BCL2L2: variants seen among roughly 807,000 people sequenced by gnomAD.
The protein encoded by BCL2L2 is bcl-2-like protein 2.
In BCL2L2, 6 loss-of-function variants were observed where a neutral mutation model predicts 14.6. The observed-to-expected ratio is 0.41, with a 90% confidence interval of 0.22 to 0.81. The LOEUF (loss-of-function observed/expected upper bound fraction) is 0.81, where lower values mean the gene tolerates loss of function less well. Ranked by LOEUF, BCL2L2 falls within the 30% of genes least tolerant of loss-of-function variation. The pLI is 0.32. For missense variants in BCL2L2, 191 were observed against 260.5 expected (o/e 0.73, Z 1.84); for synonymous variants, 90 against 108.5 (o/e 0.83, Z 1.06).
rs780154342 is a variant in BCL2L2 at position 23,308,962 on chromosome 14, G to A, written c.579G>A (p.Lys193=). The change falls in exon 4 of 4, where the codon AAG becomes AAA. Residue 193 remains lysine, a synonymous_variant. Coordinates refer to ENST00000250405, the MANE Select transcript of BCL2L2 (RefSeq NM_004050.5). The surrounding 1 kb of genome is among the most constrained non-coding windows in gnomAD (Gnocchi z 5.4). ...CTGTAGGGGCCTTTTTTGCTAGCAAGTGAAAGTCCAGGGCCAGGTGGGGCT... is the reference window on the plus strand; with the variant it reads ...CTGTAGGGGCCTTTTTTGCTAGCAAATGAAAGTCCAGGGCCAGGTGGGGCT... ...LVTVGAFFAS[K] 2 of 1,325,502 alleles carry A rather than the reference G, an allele frequency of 1.5e-6. No individual in the cohort carries two copies. Among genetic ancestry groups the A allele is most frequent in the South Asian group, 2.9e-5 (1 of 34,996 alleles). 82.1% of individuals were successfully genotyped at this position (1,325,502 alleles called of 1,614,324 possible). A position where few individuals can be genotyped will look rare whatever the true frequency, so the allele number is the denominator to read the frequency against.
At position 23,308,698 on chromosome 14, in the gene BCL2L2, A is replaced by C; in HGVS notation, c.433-118A>C. 3.0e-5 allele frequency: 23 copies of C among 774,812 alleles called. No individual in the cohort carries two copies. The highest frequency in any genetic ancestry group is 3.9e-5 in the Non-Finnish European group (21 of 539,270). 48.0% of individuals were successfully genotyped at this position (774,812 alleles called of 1,614,324 possible). A position where few individuals can be genotyped will look rare whatever the true frequency, so the allele number is the denominator to read the frequency against. ...AGCTTTGGCCAGAGAGGAGCTGGGTATGGGGTAGTGCTCGCAGTGGATGGA... is the reference window on the plus strand; with the variant it reads ...AGCTTTGGCCAGAGAGGAGCTGGGTCTGGGGTAGTGCTCGCAGTGGATGGA... On this transcript the variant is annotated intron_variant, in intron 3 of 3. Transcript: ENST00000250405. This position sits in a 1 kb window ranked among gnomAD's most constrained non-coding sequence, Gnocchi z 5.4.
Position 23,311,435 on chromosome 14 carries a change from A to G in BCL2L2, c.*2470A>G. The G allele has an allele frequency of 7.5e-6, 8 of 1,070,456 alleles. No homozygotes were observed. Among genetic ancestry groups the G allele is most frequent in the South Asian group, 2.7e-5 (1 of 37,498 alleles). 66.3% of individuals were successfully genotyped at this position (1,070,456 alleles called of 1,614,324 possible). A position where few individuals can be genotyped will look rare whatever the true frequency, so the allele number is the denominator to read the frequency against. On this transcript the variant is annotated 3_prime_UTR_variant, in exon 4 of 4. Coordinates refer to ENST00000250405, the MANE Select transcript of BCL2L2 (RefSeq NM_004050.5). Reference sequence around the variant, plus strand: ...GGAGGAGAGGGGTTTCTTGCTCTCCAGAGCCCAAAGGGACAAATAGGGACT... The same window carrying G: ...GGAGGAGAGGGGTTTCTTGCTCTCCGGAGCCCAAAGGGACAAATAGGGACT...
chr14:23,307,528 G>T (rs112852418), intron 2 of BCL2L2, among the ~76,000 whole-genome samples: 3 of 152,292 alleles, frequency 2.0e-5, no homozygotes, highest in African/African-American at 7.2e-5. Context: ...ATCCTAAACA[G>T]AAAATTTACT....
At position 23,306,895 on chromosome 14, in the gene BCL2L2, G is replaced by C. The variant is rs1887251251; in HGVS notation, c.-97+1G>C. On this transcript the variant is annotated splice_donor_variant, in intron 1 of 3. Coordinates refer to ENST00000250405, the MANE Select transcript of BCL2L2 (RefSeq NM_004050.5). LOFTEE classifies it low-confidence loss of function (5UTR_SPLICE). ...CCGGATCCCGGCAGCGGCCTGACCC[G>C]TGAGATCCCTAACCTGGCAGGCGGG... 6.6e-6 allele frequency: 1 copy of C among 152,660 alleles called. No homozygotes were observed. Among genetic ancestry groups the C allele is most frequent in the Non-Finnish European group, 1.5e-5 (1 of 68,480 alleles). 9.5% of individuals were successfully genotyped at this position (152,660 alleles called of 1,614,324 possible).
Position 23,307,894 on chromosome 14 carries a change from C to T in BCL2L2, c.127C>T (p.His43Tyr). The part of the protein sequence containing the change: ...PGEGPAADPL[H>Y]QAMRAAGDEF... Reference sequence around the variant, plus strand: ...GGAGGGCCCAGCAGCTGACCCGCTGCACCAAGCCATGCGGGCAGCTGGAGA... The same window carrying T: ...GGAGGGCCCAGCAGCTGACCCGCTGTACCAAGCCATGCGGGCAGCTGGAGA... Residue 43 changes from histidine (H) to tyrosine (Y), a missense_variant, in exon 3 of 4, where the codon CAC becomes TAC. His to Tyr is a moderately conservative substitution (Grantham distance 83, BLOSUM62 2). Transcript: ENST00000250405. 2.5e-6 allele frequency: 4 copies of T among 1,613,378 alleles called. No individual in the cohort carries two copies. Among genetic ancestry groups the T allele is most frequent in the Non-Finnish European group, 3.4e-6 (4 of 1,179,754 alleles).
rs1178749249 is a variant in BCL2L2, at chr14:23,310,447, T to C, written c.*1482T>C. ...TCACCTTAGCTAGACCATGGTTGAC[T>C]CTTCTTGGAGATTTTCACTTGGTCC... On this transcript the variant is annotated 3_prime_UTR_variant, in exon 4 of 4. Transcript: ENST00000250405. The C allele has an allele frequency of 6.9e-6, 7 of 1,011,006 alleles. No individual in the cohort carries two copies. The highest frequency in any genetic ancestry group is 1.1e-4 in the Admixed American group (2 of 18,970). The allele number at this position is 1,011,006 out of a possible 1,614,324, so 62.6% of individuals were successfully genotyped here. A position where few individuals can be genotyped will look rare whatever the true frequency, so the allele number is the denominator to read the frequency against.
In BCL2L2 at chr14:23,309,165, T is replaced by C. The variant is rs1194084421; in HGVS notation, c.*200T>C. 8.3e-7 allele frequency: 1 copy of C among 1,204,652 alleles called. No homozygotes were observed. Among genetic ancestry groups the C allele is most frequent in the Middle Eastern group, 3.3e-4 (1 of 3,050 alleles). 74.6% of individuals were successfully genotyped at this position (1,204,652 alleles called of 1,614,324 possible). A position where few individuals can be genotyped will look rare whatever the true frequency, so the allele number is the denominator to read the frequency against. ...GAGCAGGACACAGAGGGGAGGGGAA[T>C]GTTTTGGCAAGTTTAGGGGCACAGG... On this transcript the variant is annotated 3_prime_UTR_variant, in exon 4 of 4. Coordinates refer to ENST00000250405, the MANE Select transcript of BCL2L2 (RefSeq NM_004050.5).
At position 23,309,180 on chromosome 14, in the gene BCL2L2, A is replaced by T; in HGVS notation, c.*215A>T. 15 of 992,684 alleles carry T rather than the reference A, an allele frequency of 1.5e-5. No individual in the cohort carries two copies. The highest frequency in any genetic ancestry group is 1.7e-4 in the East Asian group (2 of 11,460). The allele number at this position is 992,684 out of a possible 1,614,324, so 61.5% of individuals were successfully genotyped here. On this transcript the variant is annotated 3_prime_UTR_variant, in exon 4 of 4. Transcript: ENST00000250405. The stretch of plus-strand genomic sequence containing the variant: ...GGGAGGGGAATGTTTTGGCAAGTTT[A>T]GGGGCACAGGAGATGTAGTCGTTCC...
At position 23,311,421 on chromosome 14, in the gene BCL2L2, G is replaced by A; in HGVS notation, c.*2456G>A. 3 of 1,076,562 alleles carry A rather than the reference G, an allele frequency of 2.8e-6. No individual in the cohort carries two copies. The South Asian group carries it at 7.7e-5, about 28-fold the overall frequency. The allele number at this position is 1,076,562 out of a possible 1,614,324, so 66.7% of individuals were successfully genotyped here. On this transcript the variant is annotated 3_prime_UTR_variant, in exon 4 of 4. Transcript: ENST00000250405. ...TCAAAGATTAAGTAGGAGGAGAGGGGTTTCTTGCTCTCCAGAGCCCAAAGG... is the reference window on the plus strand; with the variant it reads ...TCAAAGATTAAGTAGGAGGAGAGGGATTTCTTGCTCTCCAGAGCCCAAAGG...
At position 23,310,947 on chromosome 14, in the gene BCL2L2, A is replaced by G. The variant is rs774993450; in HGVS notation, c.*1982A>G. ...CCACTGACTAGACCATCGGCTCCAA[A>G]TTGGAGTCTGTGCTTCCTTCCCCAG... On this transcript the variant is annotated 3_prime_UTR_variant, in exon 4 of 4. Coordinates refer to ENST00000250405, the MANE Select transcript of BCL2L2 (RefSeq NM_004050.5). 142 of 1,289,570 alleles carry G rather than the reference A, an allele frequency of 1.1e-4. 1 individual carries two copies. The South Asian group carries it at 1.7e-3, about 16-fold the overall frequency. 79.9% of individuals were successfully genotyped at this position (1,289,570 alleles called of 1,614,324 possible).
In BCL2L2 at chr14:23,307,377, A is replaced by G. The variant is rs2231299; in HGVS notation, c.-9+98A>G. 312 of 161,946 alleles carry G rather than the reference A, an allele frequency of 1.9e-3. 3 individuals are homozygous for G. Among genetic ancestry groups the G allele is most frequent in the African/African-American group, 6.8e-3 (287 of 41,918 alleles). The allele number at this position is 161,946 out of a possible 1,614,324, so 10.0% of individuals were successfully genotyped here. ...TCCCCCTCATCTTGTGTCTCTGCCA[A>G]CATCTTTACATCTTGCATTTGGGGA... On this transcript the variant is annotated intron_variant, in intron 2 of 3. Transcript: ENST00000250405.
intron 2 of BCL2L2, among the ~76,000 whole-genome samples, chr14:23,307,514 A>C (rs530429106): frequency 1.3e-5 from 2 of 152,254 alleles, no homozygotes; most frequent in African/African-American, 4.8e-5. Context: ...AAAGAATCTA[A>C]AGTATCCTAA....
In BCL2L2 at chr14:23,310,545, C is replaced by G. The variant is rs1054090483; in HGVS notation, c.*1580C>G. The G allele has an allele frequency of 9.4e-7, 1 of 1,059,488 alleles. No individual in the cohort carries two copies. Among genetic ancestry groups the G allele is most frequent in the Non-Finnish European group, 1.1e-6 (1 of 874,996 alleles). The allele number at this position is 1,059,488 out of a possible 1,614,324, so 65.6% of individuals were successfully genotyped here. ...GGCCTCAGGTGTTGAGTCCAGACTTCTGCTTTTGAGAGAGGGCTGCACTTT... is the reference window on the plus strand; with the variant it reads ...GGCCTCAGGTGTTGAGTCCAGACTTGTGCTTTTGAGAGAGGGCTGCACTTT... On this transcript the variant is annotated 3_prime_UTR_variant, in exon 4 of 4. Transcript: ENST00000250405.
At position 23,311,431 on chromosome 14, in the gene BCL2L2, C is replaced by T; in HGVS notation, c.*2466C>T. 1 of 1,070,248 alleles carries T rather than the reference C, an allele frequency of 9.3e-7. No homozygotes were observed. The highest frequency in any genetic ancestry group is 1.1e-6 in the Non-Finnish European group (1 of 882,346). 66.3% of individuals were successfully genotyped at this position (1,070,248 alleles called of 1,614,324 possible). A position where few individuals can be genotyped will look rare whatever the true frequency, so the allele number is the denominator to read the frequency against. On this transcript the variant is annotated 3_prime_UTR_variant, in exon 4 of 4. Transcript: ENST00000250405. Reference sequence around the variant, plus strand: ...AGTAGGAGGAGAGGGGTTTCTTGCTCTCCAGAGCCCAAAGGGACAAATAGG... The same window carrying T: ...AGTAGGAGGAGAGGGGTTTCTTGCTTTCCAGAGCCCAAAGGGACAAATAGG...
chr14:23,309,220 TG>T lies in BCL2L2; in HGVS notation c.*258del. The T allele has an allele frequency of 1.3e-6, 1 of 796,730 alleles. No individual in the cohort carries two copies. The highest frequency in any genetic ancestry group is 2.4e-5 in the African/African-American group (1 of 40,988). The allele number at this position is 796,730 out of a possible 1,614,324, so 49.4% of individuals were successfully genotyped here. A position where few individuals can be genotyped will look rare whatever the true frequency, so the allele number is the denominator to read the frequency against. ...GTAGTCGTTCCAGGGCTGGGGGAGG[TG>T]GGAGGGATCACGCCTATAGGTGTGG... On this transcript the variant is annotated 3_prime_UTR_variant, in exon 4 of 4. Coordinates refer to ENST00000250405, the MANE Select transcript of BCL2L2 (RefSeq NM_004050.5).
At position 23,307,942 on chromosome 14, in the gene BCL2L2, C is replaced by G; in HGVS notation, c.175C>G (p.Arg59Gly). 1 of 1,613,888 alleles carries G rather than the reference C, an allele frequency of 6.2e-7. No individual in the cohort carries two copies. The stretch of plus-strand genomic sequence containing the variant: ...AGATGAGTTCGAGACCCGCTTCCGG[C>G]GCACCTTCTCTGATCTGGCGGCTCA... ...AGDEFETRFR[R>G]TFSDLAAQLH... The change falls in exon 3 of 4, where the codon CGC (arginine) becomes GGC (glycine). Residue 59 changes from arginine (R) to glycine (G), a missense_variant. By Grantham distance (125) the Arg-to-Gly change is moderately radical. Coordinates refer to ENST00000250405, the MANE Select transcript of BCL2L2 (RefSeq NM_004050.5).
rs1887558286 is a variant in BCL2L2, at chr14:23,310,698, A to G, written c.*1733A>G. On this transcript the variant is annotated 3_prime_UTR_variant, in exon 4 of 4. Transcript: ENST00000250405. ...GGGGTGGGGGGTCTCTGACTTGCTC[A>G]GGACAAACTAGGCCAGTGGTTTTCA... The G allele has an allele frequency of 8.6e-7, 1 of 1,166,394 alleles. No individual in the cohort carries two copies. Among genetic ancestry groups the G allele is most frequent in the Non-Finnish European group, 1.1e-6 (1 of 932,908 alleles). 72.3% of individuals were successfully genotyped at this position (1,166,394 alleles called of 1,614,324 possible).
rs1183409418 is a variant in BCL2L2 at position 23,308,600 on chromosome 14, A to G, written c.433-216A>G. On this transcript the variant is annotated intron_variant, in intron 3 of 3. Transcript: ENST00000250405. The surrounding 1 kb of genome is among the most constrained non-coding windows in gnomAD (Gnocchi z 5.4). ...GGAAAGGATGGAATTCACTGGAGGC[A>G]GAGTGGGCAGATGAACCAGTCTCTC... is the stretch of plus-strand genomic sequence containing the variant. 6.6e-6 allele frequency among the ~76,000 whole-genome samples: 1 copy of G among 152,104 alleles called. No individual in the cohort carries two copies. The highest frequency in any genetic ancestry group is 2.4e-5 in the African/African-American group (1 of 41,424).
chr14:23,310,830 A>G lies in BCL2L2; in HGVS notation c.*1865A>G. On this transcript the variant is annotated 3_prime_UTR_variant, in exon 4 of 4. Coordinates refer to ENST00000250405, the MANE Select transcript of BCL2L2 (RefSeq NM_004050.5). ...GGCTGGGCAATTTGCCCTCAAACAG[A>G]ACAGCTCCCCTTGTAGCTGTCTTAC... 2 of 1,219,756 alleles carry G rather than the reference A, an allele frequency of 1.6e-6. No individual in the cohort carries two copies. The highest frequency in any genetic ancestry group is 2.1e-6 in the Non-Finnish European group (2 of 940,988). 75.6% of individuals were successfully genotyped at this position (1,219,756 alleles called of 1,614,324 possible). A position where few individuals can be genotyped will look rare whatever the true frequency, so the allele number is the denominator to read the frequency against.
Sources: allele counts gnomAD v4.1 joint callset (sites outside exome capture counted in the v4.1 genomes callset), GRCh38; gene constraint gnomAD v4.1.1; non-coding constraint Gnocchi (gnomAD v3.1); transcripts MANE v1.5; gene names NCBI Gene and HGNC (gene_info 2026-07-23, HGNC 2026-07-21).